The following DTX1 variants were observed in gnomAD, a reference collection of about 807,000 sequenced individuals.
The protein encoded by DTX1 is E3 ubiquitin-protein ligase DTX1.
In DTX1, 26 loss-of-function variants were observed where a neutral mutation model predicts 57.8. That is an observed-to-expected ratio of 0.45 (90% confidence interval 0.33 to 0.62). The LOEUF is 0.62. Among genes scored for constraint, DTX1 ranks in the 20% least tolerant of loss-of-function variants. DTX1 has a pLI of 0.02. For missense variants in DTX1, 704 were observed against 895.3 expected, an observed-to-expected ratio of 0.79 and a Z score of 2.73; for synonymous variants, 398 against 394.1, an observed-to-expected ratio of 1.01 and a Z score of -0.12.
At chr12:113,059,625 C>G (rs972570860) in intron 2 of DTX1, among the ~76,000 whole-genome samples, 2 of 152,032 alleles carry the variant, frequency 1.3e-5, no homozygotes, top group Admixed American at 6.5e-5. Flanking sequence ...GGGGTCCTGC[C>G]GTGCAGAAGC....
At position 113,058,239 on chromosome 12, in the gene DTX1, G is replaced by C. The variant is rs776182768; in HGVS notation, c.47G>C (p.Gly16Ala). ...GGGCTGATGCCTGTGAATGGTCTGGGCTTCCCACCGCAGAACGTGGCCCGG... is the reference window on the plus strand; with the variant it reads ...GGGCTGATGCCTGTGAATGGTCTGGCCTTCCCACCGCAGAACGTGGCCCGG... ...HGGLMPVNGL[G>A]FPPQNVARVV... The change falls in exon 2 of 10, where the codon GGC becomes GCC. Residue 16 changes from glycine to alanine, a missense_variant. This residue lies in a region of DTX1 where 237 missense variants were observed against 328.6 expected (regional missense o/e 0.72). Coordinates refer to ENST00000548759, the MANE Select transcript of DTX1 (RefSeq NM_004416.3). 6.2e-7 allele frequency: 1 copy of C among 1,613,292 alleles called. No homozygotes were observed. Among genetic ancestry groups the C allele is most frequent in the Non-Finnish European group, 8.5e-7 (1 of 1,179,934 alleles).
At chr12:113,060,170 A>G (rs1299870273) in intron 2 of DTX1, among the ~76,000 whole-genome samples, 3 of 152,248 alleles carry the variant, frequency 2.0e-5, no homozygotes, top group Non-Finnish European at 4.4e-5. Flanking sequence ...AACTCCAGGC[A>G]TTGACCACCA....
At chr12:113,060,087 A>G (rs1447684046) in intron 2 of DTX1, among the ~76,000 whole-genome samples, 1 of 152,238 alleles carries the variant, frequency 6.6e-6, no homozygotes, top group African/African-American at 2.4e-5. Context: ...AGTGCTTACC[A>G]TGTCTGGAAA....
At position 113,093,298 on chromosome 12, in the gene DTX1, C is replaced by A; in HGVS notation, c.1003+75C>A. ...AGCTCCGCCTGTCACCCGGTGACCC[C>A]GCCCCCGAGATGGGCTGGTGAGCGT... On this transcript the variant is annotated intron_variant, in intron 4 of 9. Coordinates refer to ENST00000548759, the MANE Select transcript of DTX1 (RefSeq NM_004416.3). The surrounding 1 kb of genome is among the most constrained non-coding windows in gnomAD (Gnocchi z 4.2). The A allele has an allele frequency of 1.3e-6, 2 of 1,495,288 alleles. No homozygotes were observed. Among genetic ancestry groups the A allele is most frequent in the Non-Finnish European group, 9.1e-7 (1 of 1,103,198 alleles). 92.6% of individuals were successfully genotyped at this position (1,495,288 alleles called of 1,614,324 possible).
At chr12:113,083,404 C>A (rs897447503) in intron 3 of DTX1, among the ~76,000 whole-genome samples, 4 of 152,134 alleles carry the variant, frequency 2.6e-5, no homozygotes, top group Non-Finnish European at 4.4e-5. Context: ...TGGCTCACTG[C>A]AACCTCCACC....
chr12:113,057,273 C>G (rs1479493492), intron 1 of DTX1, among the ~76,000 whole-genome samples, 176 bp from the exon 2 acceptor site: 1 of 152,144 alleles, frequency 6.6e-6, no homozygotes, highest in African/African-American at 2.4e-5. Flanking sequence ...CGCCCCCGGC[C>G]CCTGCCTTCC....
At chr12:113,063,044 C>T (rs73427732) in intron 2 of DTX1, among the ~76,000 whole-genome samples, 6,756 of 152,252 alleles carry the variant, frequency 0.044, 169 homozygotes, top group Middle Eastern at 0.095. Context: ...CAGAGCTGGG[C>T]GAGGGATGGG....
At chr12:113,064,206 G>A (rs1425868640) in intron 2 of DTX1, among the ~76,000 whole-genome samples, 5 of 152,182 alleles carry the variant, frequency 3.3e-5, no homozygotes, top group Admixed American at 6.5e-5. Flanking sequence ...GATGCCAGGG[G>A]CAAGAAAGAC....
Position 113,094,163 on chromosome 12 carries a change from C to A in DTX1, c.1227+64C>A. On this transcript the variant is annotated intron_variant, in intron 6 of 9. Coordinates refer to ENST00000548759, the MANE Select transcript of DTX1 (RefSeq NM_004416.3). ...ATGGAGGGGGCAGGAACCCTCACCC[C>A]TCCTCCTGGGTTCTGGGTGATACAG... 2.7e-6 allele frequency: 4 copies of A among 1,465,184 alleles called. No homozygotes were observed. The South Asian group carries it at 3.7e-5, about 14-fold the overall frequency. 90.8% of individuals were successfully genotyped at this position (1,465,184 alleles called of 1,614,324 possible).
chr12:113,095,622 T>A, intron 9 of DTX1: 1 of 617,750 alleles, frequency 1.6e-6, no homozygotes, highest in Non-Finnish European at 2.8e-6. Flanking sequence ...TGACCCCATT[T>A]TATAGACAAA....
In DTX1 at chr12:113,094,062, GA is replaced by G; in HGVS notation, c.1192del (p.Arg398AspfsTer6). The G allele has an allele frequency of 6.7e-7, 1 of 1,489,658 alleles. No homozygotes were observed. The highest frequency in any genetic ancestry group is 2.0e-5 in the Admixed American group (1 of 50,026). 92.3% of individuals were successfully genotyped at this position (1,489,658 alleles called of 1,614,324 possible). Reference sequence around the variant, plus strand: ...GGTAAGAATCCCGAGGATGTGGTTCGAAGATACATGCAGAAGGTGAAAAACC... The same window carrying G: ...GGTAAGAATCCCGAGGATGTGGTTCGAGATACATGCAGAAGGTGAAAAACC... The part of the protein sequence containing the change: ...KKSKNPEDVV[R>X]RYMQKVKNPP... On this transcript the variant is annotated frameshift_variant, in exon 6 of 10. Transcript: ENST00000548759. LOFTEE classifies it high-confidence loss of function.
intron 3 of DTX1, among the ~76,000 whole-genome samples, chr12:113,080,113 C>T (rs1391676951): frequency 6.6e-6 from 1 of 152,156 alleles, no homozygotes; most frequent in African/African-American, 2.4e-5. Context: ...CTACCACCTG[C>T]CTGCCTGGTC....
At chr12:113,083,093 G>T (rs2044829947) in intron 3 of DTX1, among the ~76,000 whole-genome samples, 1 of 152,142 alleles carries the variant, frequency 6.6e-6, no homozygotes, top group East Asian at 1.9e-4. Context: ...TCCTCATATG[G>T]TCTTCCCTCT....
intron 2 of DTX1, among the ~76,000 whole-genome samples, chr12:113,071,784 A>AGGCGGGCAGC (rs1245757488): frequency 6.6e-6 from 1 of 152,256 alleles, no homozygotes; most frequent in African/African-American, 2.4e-5. Flanking sequence ...ACGGATGGGC[A>AGGCGGGCAGC]GGCGGGCAGC....
intron 3 of DTX1, among the ~76,000 whole-genome samples, chr12:113,085,574 G>A (rs2044851047): frequency 6.6e-6 from 1 of 152,148 alleles, no homozygotes; most frequent in Non-Finnish European, 1.5e-5. Context: ...GCTGTTTATT[G>A]CTTCCTTATT....
At chr12:113,088,135 C>T (rs1950218884) in intron 3 of DTX1, among the ~76,000 whole-genome samples, 1 of 152,232 alleles carries the variant, frequency 6.6e-6, no homozygotes. Context: ...CTCCAGGACC[C>T]AGTGCCAGCT....
chr12:113,070,269 G>A (rs374382565), intron 2 of DTX1, among the ~76,000 whole-genome samples: 136 of 152,342 alleles, frequency 8.9e-4, no homozygotes, highest in African/African-American at 2.8e-3. Context: ...GGTTGGTGAA[G>A]GATTCAGTGA....
At chr12:113,073,577 G>A (rs1012994737) in intron 2 of DTX1, among the ~76,000 whole-genome samples, 1 of 152,096 alleles carries the variant, frequency 6.6e-6, no homozygotes, top group East Asian at 1.9e-4. Flanking sequence ...CCATAGCTCC[G>A]TGCCTCGATT....
Position 113,093,836 on chromosome 12 carries a change from C to A in DTX1, c.1165+136C>A. On this transcript the variant is annotated intron_variant, in intron 5 of 9. Coordinates refer to ENST00000548759, the MANE Select transcript of DTX1 (RefSeq NM_004416.3). This position sits in a 1 kb window ranked among gnomAD's most constrained non-coding sequence, Gnocchi z 4.2. ...TTGCCTGATCTCAGCTCCCCTTGCC[C>A]TGGCCCCATCTTTCACCAGCTCCTG... 6.9e-7 allele frequency: 1 copy of A among 1,444,212 alleles called. No homozygotes were observed. Among genetic ancestry groups the A allele is most frequent in the Non-Finnish European group, 9.4e-7 (1 of 1,061,914 alleles). 89.5% of individuals were successfully genotyped at this position (1,444,212 alleles called of 1,614,324 possible). A position where few individuals can be genotyped will look rare whatever the true frequency, so the allele number is the denominator to read the frequency against.
Sources: allele counts gnomAD v4.1 joint callset (sites outside exome capture counted in the v4.1 genomes callset), GRCh38; gene constraint gnomAD v4.1.1; regional missense constraint gnomAD v4.1.1; non-coding constraint Gnocchi (gnomAD v3.1); transcripts MANE v1.5; gene names NCBI Gene and HGNC (gene_info 2026-07-23, HGNC 2026-07-21).